Variants in QRICH2 observed in about 807,000 individuals in gnomAD.
The protein encoded by QRICH2 is glutamine-rich protein 2.
A neutral mutation model predicts 168.3 loss-of-function variants in QRICH2; 119 were observed. The observed-to-expected ratio is 0.71, with a 90% CI of 0.61 to 0.82. The LOEUF (loss-of-function observed/expected upper bound fraction) is 0.82. Ranked by LOEUF, QRICH2 falls within the 40% of genes least tolerant of loss-of-function variation. The probability of loss-of-function intolerance (pLI) is 0.00; values close to 1 mark genes in which losing one functional copy is unlikely to be tolerated. For missense variants in QRICH2, 2,241 were observed against 2,491.6 expected (o/e 0.90, Z 2.14); for synonymous variants, 894 against 951.2 (o/e 0.94, Z 1.11).
intron 3 of QRICH2, among the ~76,000 whole-genome samples, chr17:76,302,183 C>T (rs867473247): frequency 6.6e-6 from 1 of 152,032 alleles, no homozygotes; most frequent in South Asian, 2.1e-4. Context: ...CAGCTGTGAG[C>T]CACCGCGCCG....
chr17:76,279,288 A>G, intron 13 of QRICH2, 75 bp downstream of exon 13: 4 of 1,372,582 alleles, frequency 2.9e-6, no homozygotes, highest in Non-Finnish European at 3.1e-6. Flanking sequence ...AAGGGAGAGG[A>G]CAGGTGGACA....
chr17:76,277,093 A>C, intron 16 of QRICH2, 70 bp downstream of exon 16: 1 of 1,458,574 alleles, frequency 6.9e-7, no homozygotes, highest in Non-Finnish European at 9.1e-7. Context: ...TGGTGGCTTT[A>C]GAGAATGACT....
upstream of QRICH2, among the ~76,000 whole-genome samples, chr17:76,308,819 C>T (rs1283788824): frequency 6.6e-6 from 1 of 151,968 alleles, no homozygotes; most frequent in Non-Finnish European, 1.5e-5. Flanking sequence ...GATCTCGGCT[C>T]ACTGCAACCT....
At chr17:76,278,925 G>T in intron 14 of QRICH2, 116 bp downstream of exon 14, 1 of 851,778 alleles carries the variant, frequency 1.2e-6, no homozygotes, top group Non-Finnish European at 1.9e-6. Flanking sequence ...CTGTCCCACA[G>T]CACTGCCTTC....
chr17:76,280,790 T>G lies in QRICH2; in HGVS notation c.4386+41A>C. 1 of 1,613,958 alleles carries G rather than the reference T, an allele frequency of 6.2e-7. No individual in the cohort carries two copies. The highest frequency in any genetic ancestry group is 1.1e-5 in the South Asian group (1 of 91,088). ...GCAGCTGCGGGGCTAGGGCACCACATTGAGCCCCGGCCCCATCCCAGCCAC... is the reference window on the plus strand; with the variant it reads ...GCAGCTGCGGGGCTAGGGCACCACAGTGAGCCCCGGCCCCATCCCAGCCAC... On this transcript the variant is annotated intron_variant, in intron 9 of 18. Coordinates refer to ENST00000680821, the MANE Select transcript of QRICH2 (RefSeq NM_001388453.1). The surrounding 1 kb of genome is among the most constrained non-coding windows in gnomAD (Gnocchi z 7.4).
chr17:76,293,191 C>T lies in QRICH2; in HGVS notation c.1536G>A (p.Gln512=). 1 of 1,614,222 alleles carries T rather than the reference C, an allele frequency of 6.2e-7. No homozygotes were observed. Among genetic ancestry groups the T allele is most frequent in the Non-Finnish European group, 8.5e-7 (1 of 1,180,052 alleles). Residue 512 remains glutamine, a synonymous_variant, in exon 4 of 19, where the codon CAG becomes CAA. Transcript: ENST00000680821. ...CGACGACAGGCAATGTCAATCCTTG[C>T]TGGTCTATACCAGGGGGTACTAGTC... ...QQGLVPPGID[Q]QGLTLPVVDQ...
intron 3 of QRICH2, among the ~76,000 whole-genome samples, chr17:76,297,598 G>A (rs1268803278): frequency 1.3e-5 from 2 of 152,136 alleles, no homozygotes; most frequent in Admixed American, 6.6e-5. Flanking sequence ...GGCATACAAA[G>A]AGGCAGGAAG....
chr17:76,305,236 T>A (rs1318114110), intron 1 of QRICH2, among the ~76,000 whole-genome samples: 4 of 147,122 alleles, frequency 2.7e-5, no homozygotes, highest in African/African-American at 1.0e-4. Context: ...CCACCACAGC[T>A]CACTGCAGCC....
intron 7 of QRICH2, among the ~76,000 whole-genome samples, chr17:76,284,750 G>A (rs540378160): frequency 6.6e-6 from 1 of 151,580 alleles, no homozygotes; most frequent in African/African-American, 2.4e-5. Flanking sequence ...CTCAGAGGGC[G>A]GAGGTTGCAG....
intron 1 of QRICH2, 97 bp from the exon 2 acceptor site, chr17:76,305,038 C>T: frequency 3.6e-6 from 3 of 838,726 alleles, no homozygotes; most frequent in South Asian, 2.7e-5. Context: ...CTCTCACACT[C>T]AGACACACAC....
rs1459986352 is a variant in QRICH2, at chr17:76,283,833, C to T, written c.4012-1718G>A. Among the ~76,000 whole-genome samples the T allele has an allele frequency of 1.4e-5, 2 of 138,042 alleles. 1 individual carries two copies. Among genetic ancestry groups the T allele is most frequent in the African/African-American group, 6.7e-5 (2 of 29,788 alleles). The allele number at this position is 138,042 out of a possible 152,430, so 90.6% of individuals were successfully genotyped here. The stretch of plus-strand genomic sequence containing the variant: ...AGGTTGCAGTGAGCTGAAATCATGC[C>T]ATTGGACTCCAGCCTGGGCAACAAG... On this transcript the variant is annotated intron_variant, in intron 7 of 18. Transcript: ENST00000680821.
In QRICH2 at chr17:76,307,942, C is replaced by T; in HGVS notation, c.57G>A (p.Thr19=). The change falls in exon 1 of 19, where the codon ACG becomes ACA. Residue 19 remains threonine (T), a synonymous_variant. Transcript: ENST00000680821. This position sits in a 1 kb window ranked among gnomAD's most constrained non-coding sequence, Gnocchi z 5.3. ...LRELADLSIG[T]PEVGAVNFTA... ...TGAAGTTGACGGCGCCCACCTCTGG[C>T]GTGCCGATGGAGAGGTCCGCCAGCT... 3 of 1,235,606 alleles carry T rather than the reference C, an allele frequency of 2.4e-6. No individual in the cohort carries two copies. Among genetic ancestry groups the T allele is most frequent in the East Asian group, 3.2e-5 (1 of 31,742 alleles). 76.5% of individuals were successfully genotyped at this position (1,235,606 alleles called of 1,614,324 possible). A position where few individuals can be genotyped will look rare whatever the true frequency, so the allele number is the denominator to read the frequency against.
In QRICH2 at chr17:76,283,724, A is replaced by G. The variant is rs550892696; in HGVS notation, c.4012-1609T>C. 2.8e-5 allele frequency among the ~76,000 whole-genome samples: 4 copies of G among 143,000 alleles called. 1 individual carries two copies. Among genetic ancestry groups the G allele is most frequent in the African/African-American group, 1.2e-4 (4 of 33,072 alleles). 93.8% of individuals were successfully genotyped at this position (143,000 alleles called of 152,430 possible). ...CCCCATCTCTACTAAAAATACAAAAATTATCCAGGTGTGCTGGTGGGTGCC... is the reference window on the plus strand; with the variant it reads ...CCCCATCTCTACTAAAAATACAAAAGTTATCCAGGTGTGCTGGTGGGTGCC... On this transcript the variant is annotated intron_variant, in intron 7 of 18. Coordinates refer to ENST00000680821, the MANE Select transcript of QRICH2 (RefSeq NM_001388453.1).
chr17:76,296,188 A>T (rs1478677732), intron 3 of QRICH2, among the ~76,000 whole-genome samples: 1 of 152,098 alleles, frequency 6.6e-6, no homozygotes, highest in Non-Finnish European at 1.5e-5. Flanking sequence ...GCACCATTGC[A>T]CTCCAGCCTG....
chr17:76,290,373 A>G (rs2070965695), intron 4 of QRICH2, among the ~76,000 whole-genome samples: 1 of 152,062 alleles, frequency 6.6e-6, no homozygotes, highest in Non-Finnish European at 1.5e-5. Flanking sequence ...AGTTGGGAAC[A>G]GGCAAATGTT....
rs142293317 is a variant in QRICH2, at chr17:76,287,832, A to T, written c.3864T>A (p.Ala1288=). Reference sequence around the variant, plus strand: ...CACCCAGCTGCAATCTCAGCTCTCCAGCTTTCAGTTCCTTCCCTGCTTCTT... The same window carrying T: ...CACCCAGCTGCAATCTCAGCTCTCCTGCTTTCAGTTCCTTCCCTGCTTCTT... ...GNQEAGKELK[A]GELRLQLGVL... is the part of the protein sequence containing the mutation. The change falls in exon 6 of 19, where the codon GCT becomes GCA. Residue 1288 remains alanine, a synonymous_variant. Coordinates refer to ENST00000680821, the MANE Select transcript of QRICH2 (RefSeq NM_001388453.1). 1.9e-6 allele frequency: 3 copies of T among 1,614,062 alleles called. No individual in the cohort carries two copies. The highest frequency in any genetic ancestry group is 2.5e-6 in the Non-Finnish European group (3 of 1,179,968).
chr17:76,285,125 C>CTGTTGTTGTTGTTGTTGTTGTTGTTGT (rs112068809), intron 7 of QRICH2, among the ~76,000 whole-genome samples: 26 of 147,732 alleles, frequency 1.8e-4, no homozygotes, highest in African/African-American at 4.6e-4. Flanking sequence ...CAGCTATTTT[C>CTGTTGTTGTTGTTGTTGTTGTTGTTGT]TGTTGTTGTT....
chr17:76,297,641 AC>A, intron 3 of QRICH2, among the ~76,000 whole-genome samples: 1 of 152,258 alleles, frequency 6.6e-6, no homozygotes, highest in African/African-American at 2.4e-5. Context: ...AACTCAACCA[AC>A]TGAGACCAAC....
chr17:76,282,349 A>G (rs1023738467), intron 7 of QRICH2, among the ~76,000 whole-genome samples: 7 of 152,180 alleles, frequency 4.6e-5, no homozygotes, highest in South Asian at 2.1e-4. Context: ...CCTTGCCAGA[A>G]GAAGGCCTCT....
Sources: gnomAD v4.1 joint callset for allele counts (sites outside exome capture counted in the v4.1 genomes callset) on GRCh38, gnomAD v4.1.1 for gene constraint, Gnocchi (gnomAD v3.1) non-coding constraint, MANE v1.5 for transcripts, NCBI Gene and HGNC (gene_info 2026-07-23, HGNC 2026-07-21) for gene names.